MTREX: variants seen among roughly 807,000 people sequenced by gnomAD.
The protein encoded by MTREX is exosome RNA helicase MTR4.
A neutral mutation model predicts 135.4 loss-of-function variants in MTREX; 76 were observed. That is an observed-to-expected ratio of 0.56 (90% confidence interval 0.47 to 0.68). The LOEUF (loss-of-function observed/expected upper bound fraction) is 0.68. Among genes scored for constraint, MTREX ranks in the 30% least tolerant of loss-of-function variants. The pLI, the probability that MTREX is intolerant of heterozygous loss-of-function variation, is 0.00. For synonymous variants in MTREX, 404 were observed against 401.6 expected (o/e 1.01, Z -0.07); for missense variants, 920 against 1,262.1 (o/e 0.73, Z 4.11).
intron 15 of MTREX, among the ~76,000 whole-genome samples, chr5:55,365,699 A>T (rs936292933): frequency 2.0e-5 from 3 of 152,190 alleles, no homozygotes; most frequent in African/African-American, 7.2e-5. Flanking sequence ...TTTTTATTAA[A>T]ATATACTTCT....
intron 15 of MTREX, among the ~76,000 whole-genome samples, chr5:55,364,258 C>T (rs1750059802): frequency 6.6e-6 from 1 of 152,152 alleles, no homozygotes; most frequent in African/African-American, 2.4e-5. Flanking sequence ...GAGACATAAG[C>T]TTATTAACTT....
chr5:55,410,698 A>G (rs1750873032), intron 23 of MTREX, 69 bp downstream of exon 23: 3 of 764,344 alleles, frequency 3.9e-6, no homozygotes, highest in East Asian at 2.8e-5. Context: ...TGTTATGGCT[A>G]TATTATCAAA....
intron 16 of MTREX, among the ~76,000 whole-genome samples, chr5:55,368,317 G>C (rs1750137010): frequency 6.6e-6 from 1 of 152,080 alleles, no homozygotes; most frequent in Non-Finnish European, 1.5e-5. Context: ...CGGGCATGGT[G>C]GTGGGCACCT....
At chr5:55,316,526 C>CA (rs749256978) in intron 1 of MTREX, among the ~76,000 whole-genome samples, 54 of 152,140 alleles carry the variant, frequency 3.5e-4, no homozygotes, top group Middle Eastern at 6.8e-3. Context: ...GAACTAAAGA[C>CA]AAAAAACCAC....
At chr5:55,414,329 T>C (rs1750933811) in intron 24 of MTREX, 91 bp downstream of exon 24, 3 of 1,061,662 alleles carry the variant, frequency 2.8e-6, no homozygotes, top group South Asian at 1.9e-5. Context: ...CATAGTAGTT[T>C]ATCATTTCAC....
At position 55,425,370 on chromosome 5, in the gene MTREX, C is replaced by CAAA; in HGVS notation, c.*600_*601insAAA. On this transcript the variant is annotated 3_prime_UTR_variant, in exon 27 of 27. Coordinates refer to ENST00000230640, the MANE Select transcript of MTREX (RefSeq NM_015360.5). ...AAATATTTAATGGTATAATTTAGAT[C>CAAA]AAGTTAAAAACTACATACAAAGTTG... 6.5e-7 allele frequency: 1 copy of CAAA among 1,535,636 alleles called. No individual in the cohort carries two copies. The highest frequency in any genetic ancestry group is 8.9e-7 in the Non-Finnish European group (1 of 1,129,078).
chr5:55,329,243 T>C, intron 5 of MTREX: 1 of 153,536 alleles, frequency 6.5e-6, no homozygotes, highest in Non-Finnish European at 1.4e-5. Flanking sequence ...CATGGCTCAC[T>C]GCAGCCTTGA....
chr5:55,395,278 C>T (rs1034979615), intron 19 of MTREX, among the ~76,000 whole-genome samples: 71 of 151,472 alleles, frequency 4.7e-4, no homozygotes, highest in African/African-American at 1.5e-3. Flanking sequence ...TGGTGGCACA[C>T]GCCTATAATC....
At chr5:55,312,671 ATAG>A (rs761578705) in intron 1 of MTREX, among the ~76,000 whole-genome samples, 12 of 152,260 alleles carry the variant, frequency 7.9e-5, no homozygotes, top group Non-Finnish European at 1.3e-4. Flanking sequence ...TTCTGGCTGA[ATAG>A]TATTCTGTTT....
chr5:55,394,759 G>A (rs1027333871), intron 19 of MTREX, among the ~76,000 whole-genome samples: 7 of 152,122 alleles, frequency 4.6e-5, no homozygotes, highest in Admixed American at 1.3e-4. Flanking sequence ...AGGGCCGGGC[G>A]TGGTGGCTCA....
At chr5:55,342,050 C>A (rs963418697) in intron 7 of MTREX, among the ~76,000 whole-genome samples, 3 of 152,060 alleles carry the variant, frequency 2.0e-5, no homozygotes, top group Non-Finnish European at 4.4e-5. Flanking sequence ...GAACTACAGA[C>A]GTGTACCACC....
intron 14 of MTREX, among the ~76,000 whole-genome samples, chr5:55,355,608 C>G (rs1323157790): frequency 2.0e-5 from 3 of 152,176 alleles, no homozygotes; most frequent in Non-Finnish European, 4.4e-5. Context: ...ATGGCCACAC[C>G]ATCTAGAAGG....
intron 4 of MTREX, 92 bp downstream of exon 4, chr5:55,327,870 C>A: frequency 1.0e-6 from 1 of 969,754 alleles, no homozygotes; most frequent in Non-Finnish European, 1.6e-6. Flanking sequence ...ATATTTCCCA[C>A]AACATGTATA....
chr5:55,334,366 A>G (rs1185607142), intron 5 of MTREX, among the ~76,000 whole-genome samples: 1 of 152,070 alleles, frequency 6.6e-6, no homozygotes, highest in Non-Finnish European at 1.5e-5. Context: ...TGAAGTACCT[A>G]ATTGTATATG....
chr5:55,329,328 G>A (rs1275232208), intron 5 of MTREX: 1 of 151,574 alleles, frequency 6.6e-6, no homozygotes, highest in African/African-American at 2.4e-5. Flanking sequence ...ATCACACCTG[G>A]CTAATTTTTT....
At chr5:55,409,845 G>A (rs1268375509) in intron 22 of MTREX, among the ~76,000 whole-genome samples, 1 of 152,186 alleles carries the variant, frequency 6.6e-6, no homozygotes, top group Non-Finnish European at 1.5e-5. Flanking sequence ...TTGGTGAGCA[G>A]CAGTTTGTTG....
intron 7 of MTREX, among the ~76,000 whole-genome samples, 191 bp from the exon 8 acceptor site, chr5:55,343,140 T>C (rs1422162132): frequency 1.3e-5 from 2 of 152,208 alleles, no homozygotes; most frequent in African/African-American, 4.8e-5. Context: ...TATAGTGGTT[T>C]AGTCTACTAA....
chr5:55,422,044 T>C (rs1751063240), intron 25 of MTREX, among the ~76,000 whole-genome samples: 1 of 152,212 alleles, frequency 6.6e-6, no homozygotes, highest in Non-Finnish European at 1.5e-5. Flanking sequence ...TAATAATTGT[T>C]AATAGTGTAA....
intron 26 of MTREX, chr5:55,424,493 C>T: frequency 2.2e-6 from 1 of 444,670 alleles, no homozygotes; most frequent in Admixed American, 3.6e-5. Flanking sequence ...CCTGGCCAGC[C>T]CCCATGGAGT....
Sources: gnomAD v4.1 joint callset for allele counts (sites outside exome capture counted in the v4.1 genomes callset) on GRCh38, gnomAD v4.1.1 for gene constraint, MANE v1.5 for transcripts, NCBI Gene and HGNC (gene_info 2026-07-23, HGNC 2026-07-21) for gene names.